RANBP2: variants seen among roughly 807,000 people sequenced by gnomAD.
RANBP2 encodes RAN binding protein 2.
A neutral mutation model predicts 303.6 loss-of-function variants in RANBP2; 57 were observed. The observed-to-expected ratio is 0.19, with a 90% CI of 0.15 to 0.23. RANBP2 has a LOEUF of 0.23. RANBP2 is among the 10% of genes least tolerant of loss of function. The probability of loss-of-function intolerance (pLI) is 1.00; values close to 1 mark genes in which losing one functional copy is unlikely to be tolerated. For synonymous variants in RANBP2, 1,167 were observed against 1,301.5 expected (o/e 0.90, Z 2.23); for missense variants, 3,138 against 3,780.8 (o/e 0.83, Z 4.46).
At chr2:109,408,519 C>T in the RANBP2 span, among the ~76,000 whole-genome samples, 11 of 152,316 alleles carry the variant, frequency 7.2e-5, no homozygotes, top group East Asian at 1.9e-3. Context: ...GTCCCACACG[C>T]GCTCACGCCC....
At chr2:109,280,799 C>T in the RANBP2 span, among the ~76,000 whole-genome samples, 15 of 152,224 alleles carry the variant, frequency 9.9e-5, no homozygotes, top group Middle Eastern at 3.2e-3. Context: ...TTTCTCTCTT[C>T]ATTTATTGAG....
the RANBP2 span, among the ~76,000 whole-genome samples, chr2:108,943,677 T>A: frequency 6.6e-6 from 1 of 152,228 alleles, no homozygotes; most frequent in African/African-American, 2.4e-5. Flanking sequence ...GTGTGTTGAG[T>A]AACAGCAGCC....
chr2:109,082,825 C>CT, the RANBP2 span, among the ~76,000 whole-genome samples: 495 of 123,778 alleles, frequency 4.0e-3, 7 homozygotes, highest in Middle Eastern at 0.015. Context: ...GACCCCATGT[C>CT]TTTTTTTTTT....
chr2:109,044,663 T>C, the RANBP2 span, among the ~76,000 whole-genome samples: 2 of 152,162 alleles, frequency 1.3e-5, no homozygotes, highest in African/African-American at 2.4e-5. Context: ...GAATCTAAAC[T>C]AATAGGGTTT....
At chr2:109,591,874 G>A in the RANBP2 span, among the ~76,000 whole-genome samples, 1 of 152,108 alleles carries the variant, frequency 6.6e-6, no homozygotes, top group Non-Finnish European at 1.5e-5. Context: ...TCCAGCCTGG[G>A]CAACAGAGTG....
At chr2:109,094,505 A>AT in the RANBP2 span, among the ~76,000 whole-genome samples, 2 of 152,148 alleles carry the variant, frequency 1.3e-5, no homozygotes, top group African/African-American at 2.4e-5. Flanking sequence ...TCTTCTGAGT[A>AT]TTTATATGTG....
At chr2:108,809,844 C>T in the RANBP2 span, among the ~76,000 whole-genome samples, 5 of 152,114 alleles carry the variant, frequency 3.3e-5, no homozygotes, top group Non-Finnish European at 5.9e-5. Flanking sequence ...CTCACTCTGT[C>T]GCCCAGGCTG....
At chr2:109,553,945 T>C in the RANBP2 span, among the ~76,000 whole-genome samples, 7 of 152,058 alleles carry the variant, frequency 4.6e-5, no homozygotes, top group African/African-American at 1.4e-4. Flanking sequence ...TAACTTTAAG[T>C]GAAGCAATGT....
chr2:109,291,257 G>T, the RANBP2 span, among the ~76,000 whole-genome samples: 1 of 151,306 alleles, frequency 6.6e-6, no homozygotes, highest in African/African-American at 2.4e-5. Context: ...AGGCTGTTGG[G>T]AGAAAAAGAA....
At chr2:109,501,370 G>T in the RANBP2 span, 1 of 519,906 alleles carries the variant, frequency 1.9e-6, no homozygotes, top group Non-Finnish European at 3.5e-6. Context: ...TAAAAATAAA[G>T]ATAAATAGAA....
chr2:109,620,160 A>AACAT, the RANBP2 span, among the ~76,000 whole-genome samples: 1 of 152,344 alleles, frequency 6.6e-6, no homozygotes, highest in Non-Finnish European at 1.5e-5. Flanking sequence ...GAAGGTACTC[A>AACAT]GTAAGGGTCT....
the RANBP2 span, among the ~76,000 whole-genome samples, chr2:109,276,026 A>G: frequency 6.6e-6 from 1 of 152,204 alleles, no homozygotes; most frequent in Non-Finnish European, 1.5e-5. Flanking sequence ...AGAGGATTTC[A>G]TGGTTCAGTT....
At chr2:108,791,512 T>A in the RANBP2 span, 3 of 753,736 alleles carry the variant, frequency 4.0e-6, no homozygotes, top group Non-Finnish European at 6.8e-6. Flanking sequence ...TCAGTGACTG[T>A]TAGTTTTTAC....
At chr2:109,611,145 T>G in the RANBP2 span, among the ~76,000 whole-genome samples, 1 of 152,166 alleles carries the variant, frequency 6.6e-6, no homozygotes, top group Non-Finnish European at 1.5e-5. Flanking sequence ...GGCCAAAAAA[T>G]GGCCCTCAAC....
chr2:108,765,022 A>T lies in RANBP2; in HGVS notation c.4483A>T (p.Ser1495Cys). Residue 1495 changes from serine (S) to cysteine (C), a missense_variant, in exon 20 of 29, where the codon AGC becomes TGC. This residue lies in a region of RANBP2 where 388 missense variants were observed against 328.5 expected (regional missense o/e 1.18). Transcript: ENST00000283195. ...TGCATGTTTGGTACAAAATGAGGGGAGCTCTACAAAATGTGCTGCTTGTCA... is the reference window on the plus strand; with the variant it reads ...TGCATGTTTGGTACAAAATGAGGGGTGCTCTACAAAATGTGCTGCTTGTCA... The part of the protein sequence containing the change: ...CSACLVQNEG[S>C]STKCAACQNP... 6.2e-7 allele frequency: 1 copy of T among 1,613,920 alleles called. No homozygotes were observed. Among genetic ancestry groups the T allele is most frequent in the African/African-American group, 1.3e-5 (1 of 74,972 alleles).
At chr2:109,281,671 C>T in the RANBP2 span, among the ~76,000 whole-genome samples, 2 of 152,112 alleles carry the variant, frequency 1.3e-5, no homozygotes, top group East Asian at 3.9e-4. Context: ...TGCTGAATTC[C>T]CCACAGTTCT....
At chr2:108,941,152 G>A in the RANBP2 span, among the ~76,000 whole-genome samples, 1 of 152,244 alleles carries the variant, frequency 6.6e-6, no homozygotes, top group African/African-American at 2.4e-5. Context: ...CGTCTGCGTT[G>A]TGGGAATTAG....
At chr2:109,702,098 C>T in the RANBP2 span, among the ~76,000 whole-genome samples, 1 of 152,238 alleles carries the variant, frequency 6.6e-6, no homozygotes, top group African/African-American at 2.4e-5. Flanking sequence ...TGTGGTGCCT[C>T]CAGGCAGTGG....
the RANBP2 span, among the ~76,000 whole-genome samples, chr2:109,556,583 AC>A: frequency 1.3e-5 from 2 of 151,992 alleles, no homozygotes; most frequent in Non-Finnish European, 2.9e-5. Context: ...TGTGCAAAAT[AC>A]CCTAGACATC....
Sources: allele counts gnomAD v4.1 joint callset (sites outside exome capture counted in the v4.1 genomes callset), GRCh38; gene constraint gnomAD v4.1.1; regional missense constraint gnomAD v4.1.1; transcripts MANE v1.5; gene names NCBI Gene and HGNC (gene_info 2026-07-23, HGNC 2026-07-21).